Variants in TIAM2 observed in about 807,000 individuals in gnomAD.
TIAM2 encodes TIAM Rac1 associated GEF 2.
TIAM2 carries 80 observed loss-of-function variants against 152.9 expected under a neutral mutation model. The observed-to-expected ratio is 0.52, with a 90% CI of 0.44 to 0.63. The LOEUF is 0.63. Ranked by LOEUF, TIAM2 falls within the 30% of genes least tolerant of loss-of-function variation. TIAM2 has a pLI of 0.00. For synonymous variants in TIAM2, 804 were observed against 838.0 expected (o/e 0.96, Z 0.70); for missense variants, 1,965 against 2,120.1 (o/e 0.93, Z 1.44).
At chr6:155,108,367 A>C (rs936496411) in intron 2 of TIAM2, among the ~76,000 whole-genome samples, 19 of 152,154 alleles carry the variant, frequency 1.2e-4, no homozygotes, top group African/African-American at 4.6e-4. Flanking sequence ...TTCATCTAAA[A>C]AATGCGGCTC....
intron 16 of TIAM2, among the ~76,000 whole-genome samples, chr6:155,242,461 G>A (rs1404421661): frequency 6.6e-6 from 1 of 152,198 alleles, no homozygotes; most frequent in Non-Finnish European, 1.5e-5. Flanking sequence ...GGTCTGGCGT[G>A]GAATATGGTG....
intron 20 of TIAM2, among the ~76,000 whole-genome samples, chr6:155,248,883 A>C (rs1269404644): frequency 2.0e-5 from 3 of 152,220 alleles, no homozygotes; most frequent in African/African-American, 7.2e-5. Context: ...GAGGCTTATT[A>C]ACACTTTAGT....
Position 154,997,629 on chromosome 6 carries a change from ATTTTTTTTT to A in TIAM2, c.-209+2158_-209+2166del, listed in dbSNP as rs57280691. 8.5e-3 allele frequency among the ~76,000 whole-genome samples: 528 copies of A among 62,140 alleles called. 3 individuals are homozygous for A. Among genetic ancestry groups the A allele is most frequent in the African/African-American group, 0.032 (464 of 14,676 alleles). 40.8% of individuals were successfully genotyped at this position (62,140 alleles called of 152,430 possible). A position where few individuals can be genotyped will look rare whatever the true frequency, so the allele number is the denominator to read the frequency against. On this transcript the variant is annotated intron_variant, in intron 1 of 26. Transcript: ENST00000682666. The stretch of plus-strand genomic sequence containing the variant: ...CCGTGAACGAGTGAAGAAAGAATGG[ATTTTTTTTT>A]TTTTTTTTTTTTTTTTTTTTGAGAC...
intron 1 of TIAM2, among the ~76,000 whole-genome samples, chr6:155,056,690 TAAAG>T (rs974869362): frequency 2.6e-5 from 4 of 152,186 alleles, no homozygotes; most frequent in African/African-American, 7.2e-5. Flanking sequence ...AAAAATAGTA[TAAAG>T]AGTTTCTGTA....
intron 1 of TIAM2, among the ~76,000 whole-genome samples, chr6:155,011,187 T>C (rs1322674450): frequency 6.6e-6 from 1 of 152,170 alleles, no homozygotes; most frequent in Non-Finnish European, 1.5e-5. Context: ...CAGGCGGTTA[T>C]GCAATTTGTA....
intron 5 of TIAM2, 100 bp downstream of exon 5, chr6:155,137,712 ATGAGGGGTT>A (rs1371491942): frequency 7.5e-7 from 1 of 1,342,204 alleles, no homozygotes; most frequent in East Asian, 2.4e-5. Flanking sequence ...TTGAGTTCAC[ATGAGGGGTT>A]TGACACAGGA....
chr6:155,047,724 A>C (rs139780146), intron 1 of TIAM2, among the ~76,000 whole-genome samples: 1,906 of 57,950 alleles, frequency 0.033, 76 homozygotes, highest in Non-Finnish European at 0.055. Context: ...AGAGAGAGAG[A>C]GCGAGAGAGA....
chr6:155,107,132 A>G (rs1475979469), intron 2 of TIAM2, among the ~76,000 whole-genome samples: 2 of 152,138 alleles, frequency 1.3e-5, no homozygotes, highest in Admixed American at 1.3e-4. Flanking sequence ...AGACCCCGAG[A>G]AATACTGGCT....
chr6:155,210,057 G>A (rs1268224657), intron 14 of TIAM2, among the ~76,000 whole-genome samples: 3 of 152,094 alleles, frequency 2.0e-5, no homozygotes, highest in Non-Finnish European at 2.9e-5. Context: ...CTAGTTGAGG[G>A]GACATTCTAT....
At chr6:155,219,549 T>C (rs888033506) in intron 15 of TIAM2, among the ~76,000 whole-genome samples, 2 of 152,258 alleles carry the variant, frequency 1.3e-5, no homozygotes, top group Non-Finnish European at 2.9e-5. Flanking sequence ...TTTGTGGACT[T>C]GTTTGAAATG....
At chr6:155,035,690 C>T (rs1258258548) in intron 1 of TIAM2, among the ~76,000 whole-genome samples, 1 of 152,010 alleles carries the variant, frequency 6.6e-6, no homozygotes, top group South Asian at 2.1e-4. Flanking sequence ...AATTGAGATC[C>T]AGTAGAGGCT....
In TIAM2 at chr6:155,032,085, A is replaced by G. The variant is rs78399901; in HGVS notation, c.-209+36593A>G. Among the ~76,000 whole-genome samples, 847 of 118,916 alleles carry G rather than the reference A, an allele frequency of 7.1e-3. 10 individuals carry two copies. The highest frequency in any genetic ancestry group is 0.026 in the African/African-American group (768 of 29,270). 78.0% of individuals were successfully genotyped at this position (118,916 alleles called of 152,430 possible). A position where few individuals can be genotyped will look rare whatever the true frequency, so the allele number is the denominator to read the frequency against. On this transcript the variant is annotated intron_variant, in intron 1 of 26. Transcript: ENST00000682666. ...TACTTTATACGATGGAAGATCTGTG[A>G]GGGAAAAAAGGTGGGAGAGGTCATG...
At chr6:155,216,922 G>A (rs959068450) in intron 15 of TIAM2, 7 of 1,197,060 alleles carry the variant, frequency 5.8e-6, no homozygotes, top group African/African-American at 1.6e-5. Flanking sequence ...GCGCTAGGAC[G>A]TCCTTGTGAA....
chr6:155,228,035 A>G (rs1331173754), intron 15 of TIAM2, among the ~76,000 whole-genome samples: 1 of 152,210 alleles, frequency 6.6e-6, no homozygotes, highest in Non-Finnish European at 1.5e-5. Context: ...GGGAACCCAC[A>G]TGGATTACAA....
chr6:155,023,802 C>T (rs73579430), intron 1 of TIAM2, among the ~76,000 whole-genome samples: 3,229 of 152,196 alleles, frequency 0.021, 72 homozygotes, highest in African/African-American at 0.058. Context: ...TTGTGCGCTC[C>T]GTAAACCACT....
chr6:155,221,692 T>G (rs1468887719), intron 15 of TIAM2, among the ~76,000 whole-genome samples: 1 of 152,180 alleles, frequency 6.6e-6, no homozygotes, highest in African/African-American at 2.4e-5. Flanking sequence ...TCCACCTGGA[T>G]GACAGTGAAG....
chr6:155,256,654 G>T lies in TIAM2; in HGVS notation c.4639G>T (p.Gly1547Trp). 6.2e-7 allele frequency: 1 copy of T among 1,614,106 alleles called. No homozygotes were observed. Among genetic ancestry groups the T allele is most frequent in the Non-Finnish European group, 8.5e-7 (1 of 1,180,020 alleles). ...GRQDSKSTSPGKYPHPGLADF... is the reference protein window; with the variant it reads ...GRQDSKSTSPWKYPHPGLADF... ...GCAGGACTCCAAGAGCACTTCTCCC[G>T]GGAAATACCCACACCCCGGCTTGGC... The change falls in exon 27 of 27, where the codon GGG (glycine) becomes TGG (tryptophan). Residue 1547 changes from glycine to tryptophan, a missense_variant. By Grantham distance (184) the Gly-to-Trp change is radical. Coordinates refer to ENST00000682666, the MANE Select transcript of TIAM2 (RefSeq NM_012454.4).
At chr6:155,013,122 C>A (rs527574200) in intron 1 of TIAM2, among the ~76,000 whole-genome samples, 6 of 152,260 alleles carry the variant, frequency 3.9e-5, no homozygotes, top group Admixed American at 1.3e-4. Context: ...CTCCTCCTAA[C>A]TGGGGCTGGA....
rs574781323 is a variant in TIAM2 at position 155,029,343 on chromosome 6, AAT to A, written c.-209+33859_-209+33860del. 3.8e-5 allele frequency among the ~76,000 whole-genome samples: 4 copies of A among 104,960 alleles called. 1 individual carries two copies. The highest frequency in any genetic ancestry group is 1.4e-4 in the Admixed American group (1 of 7,238). 68.9% of individuals were successfully genotyped at this position (104,960 alleles called of 152,430 possible). ...ACTATATGTACTATGTGTTATATATAATATATATACGTTATATATAATATATA... is the reference window on the plus strand; with the variant it reads ...ACTATATGTACTATGTGTTATATATAATATATACGTTATATATAATATATA... On this transcript the variant is annotated intron_variant, in intron 1 of 26. Coordinates refer to ENST00000682666, the MANE Select transcript of TIAM2 (RefSeq NM_012454.4).
Sources: gnomAD v4.1 joint callset for allele counts (sites outside exome capture counted in the v4.1 genomes callset) on GRCh38, gnomAD v4.1.1 for gene constraint, MANE v1.5 for transcripts, NCBI Gene and HGNC (gene_info 2026-07-23, HGNC 2026-07-21) for gene names.